The following CNTNAP4 variants were observed in gnomAD, a reference collection of about 807,000 sequenced individuals.
CNTNAP4 encodes the protein contactin associated protein family member 4, also known as contactin-associated protein-like 4.
CNTNAP4 carries 98 observed loss-of-function variants against 148.4 expected under a neutral mutation model. The observed-to-expected ratio is 0.66, with a 90% CI of 0.56 to 0.78. CNTNAP4 has a LOEUF of 0.78. Among genes scored for constraint, CNTNAP4 ranks in the 30% least tolerant of loss-of-function variants. The pLI, the probability that CNTNAP4 is intolerant of heterozygous loss-of-function variation, is 0.00. For synonymous variants in CNTNAP4, 730 were observed against 565.1 expected (o/e 1.29, Z -4.14); for missense variants, 1,935 against 1,565.6 (o/e 1.24, Z -3.98).
chr16:76,502,387 T>A (rs555849594), intron 15 of CNTNAP4, among the ~76,000 whole-genome samples: 1 of 149,948 alleles, frequency 6.7e-6, no homozygotes, highest in Non-Finnish European at 1.5e-5. Context: ...TTTTTTTTTT[T>A]CATTTCCAAG....
intron 12 of CNTNAP4, among the ~76,000 whole-genome samples, chr16:76,488,277 A>G (rs1018572434): frequency 6.6e-6 from 1 of 152,202 alleles, no homozygotes; most frequent in Admixed American, 6.5e-5. Context: ...TGACTTCGAC[A>G]TTATACTGCT....
At chr16:76,359,545 GAC>G (rs1261935022) in intron 3 of CNTNAP4, among the ~76,000 whole-genome samples, 1 of 151,948 alleles carries the variant, frequency 6.6e-6, no homozygotes, top group Non-Finnish European at 1.5e-5. Context: ...TAAGAGGAAA[GAC>G]AGAATATTTT....
chr16:76,368,302 A>T (rs1433207365), intron 3 of CNTNAP4, among the ~76,000 whole-genome samples: 2 of 152,222 alleles, frequency 1.3e-5, no homozygotes, highest in Non-Finnish European at 2.9e-5. Flanking sequence ...CTGCTTTTAC[A>T]TGTGGTAGCT....
intron 17 of CNTNAP4, among the ~76,000 whole-genome samples, chr16:76,531,534 A>G (rs2083984845): frequency 1.3e-5 from 2 of 152,310 alleles, no homozygotes; most frequent in Middle Eastern, 3.4e-3. Flanking sequence ...ATTATATCTG[A>G]TATAACATGG....
At chr16:76,374,900 C>G (rs981576526) in intron 3 of CNTNAP4, among the ~76,000 whole-genome samples, 3 of 151,802 alleles carry the variant, frequency 2.0e-5, no homozygotes, top group Non-Finnish European at 2.9e-5. Context: ...TCTCAAGTAG[C>G]TGGGATTAAG....
intron 3 of CNTNAP4, among the ~76,000 whole-genome samples, chr16:76,412,349 GC>G (rs2078829266): frequency 6.6e-6 from 1 of 151,252 alleles, no homozygotes. Context: ...GCCTGATTTT[GC>G]GCTGGGTACA....
intron 21 of CNTNAP4, among the ~76,000 whole-genome samples, chr16:76,546,366 A>T (rs1164950546): frequency 6.6e-6 from 1 of 152,146 alleles, no homozygotes; most frequent in Non-Finnish European, 1.5e-5. Flanking sequence ...GCTGCTCCCC[A>T]TTGCTTGCAT....
intron 15 of CNTNAP4, among the ~76,000 whole-genome samples, chr16:76,513,071 G>A (rs1453950457): frequency 3.9e-5 from 6 of 152,156 alleles, no homozygotes; most frequent in Non-Finnish European, 7.3e-5. Context: ...GATCACGAGA[G>A]TGGGGTTTCT....
At chr16:76,351,437 TC>T (rs2011744093) in intron 2 of CNTNAP4, among the ~76,000 whole-genome samples, 1 of 152,190 alleles carries the variant, frequency 6.6e-6, no homozygotes, top group Non-Finnish European at 1.5e-5. Context: ...GCTTATGTCT[TC>T]CATTTTACTA....
intron 2 of CNTNAP4, among the ~76,000 whole-genome samples, chr16:76,348,884 A>G (rs1965139743): frequency 1.3e-5 from 2 of 151,920 alleles, no homozygotes; most frequent in South Asian, 4.1e-4. Context: ...TGGGGTCAAG[A>G]GAAGTTTTTT....
At chr16:76,515,147 G>A (rs983146171) in intron 15 of CNTNAP4, among the ~76,000 whole-genome samples, 3 of 152,164 alleles carry the variant, frequency 2.0e-5, no homozygotes, top group African/African-American at 7.2e-5. Context: ...AGGAAGAAAA[G>A]TCAGGCTACA....
chr16:76,302,922 T>A (rs1960128676), intron 1 of CNTNAP4, among the ~76,000 whole-genome samples: 1 of 152,144 alleles, frequency 6.6e-6, no homozygotes, highest in Non-Finnish European at 1.5e-5. Flanking sequence ...TGAGTGTCCT[T>A]GTAATAGTGA....
At chr16:76,547,793 A>G (rs887946165) in intron 21 of CNTNAP4, among the ~76,000 whole-genome samples, 32 of 152,204 alleles carry the variant, frequency 2.1e-4, no homozygotes, top group African/African-American at 7.2e-4. Context: ...TGCAGTGGCA[A>G]TTTAGGCCAG....
intron 2 of CNTNAP4, among the ~76,000 whole-genome samples, chr16:76,337,545 G>A (rs1056788060): frequency 4.6e-5 from 7 of 152,108 alleles, no homozygotes; most frequent in Non-Finnish European, 1.0e-4. Context: ...AAGGCAGAGG[G>A]TGAAATTAGA....
chr16:76,418,480 G>T (rs1386914705), intron 3 of CNTNAP4, among the ~76,000 whole-genome samples: 1 of 150,724 alleles, frequency 6.6e-6, no homozygotes, highest in African/African-American at 2.4e-5. Context: ...TGAATCTGTT[G>T]TTGGGCCCAT....
chr16:76,533,306 A>T (rs1448322567), intron 17 of CNTNAP4, among the ~76,000 whole-genome samples: 3 of 152,122 alleles, frequency 2.0e-5, no homozygotes, highest in African/African-American at 7.2e-5. Context: ...CATAAGTAAA[A>T]AGTAGAACAG....
chr16:76,311,466 C>T (rs1961099824), intron 1 of CNTNAP4, among the ~76,000 whole-genome samples: 1 of 152,058 alleles, frequency 6.6e-6, no homozygotes, highest in South Asian at 2.1e-4. Context: ...AATGACTCAG[C>T]ATATTTTTTT....
At chr16:76,455,935 C>T (rs573402806) in intron 8 of CNTNAP4, among the ~76,000 whole-genome samples, 1 of 152,102 alleles carries the variant, frequency 6.6e-6, no homozygotes, top group African/African-American at 2.4e-5. Context: ...TGGAAGTAGA[C>T]GTAAATCTTT....
intron 4 of CNTNAP4, among the ~76,000 whole-genome samples, chr16:76,443,790 C>A (rs1402162466): frequency 1.3e-5 from 2 of 151,868 alleles, no homozygotes; most frequent in African/African-American, 2.4e-5. Flanking sequence ...TATGAATCAC[C>A]CTGAAATTTT....
Sources: allele counts gnomAD v4.1 joint callset (sites outside exome capture counted in the v4.1 genomes callset), GRCh38; gene constraint gnomAD v4.1.1; transcripts MANE v1.5; gene names NCBI Gene and HGNC (gene_info 2026-07-23, HGNC 2026-07-21).